The following TSGA10 variants were observed in gnomAD, a reference collection of about 807,000 sequenced individuals.
TSGA10 encodes testis specific 10, also known as testis-specific gene 10 protein.
In TSGA10, 43 loss-of-function variants were observed where a neutral mutation model predicts 96.6. The ratio of observed to expected loss-of-function variants is 0.44; its 90% confidence interval spans 0.35 to 0.57. The LOEUF (loss-of-function observed/expected upper bound fraction) is 0.57. TSGA10 is among the 20% of genes least tolerant of loss of function. The pLI is 0.01. For synonymous variants in TSGA10, 229 were observed against 269.9 expected, an observed-to-expected ratio of 0.85 and a Z score of 1.48; for missense variants, 703 against 834.4, an observed-to-expected ratio of 0.84 and a Z score of 1.94.
chr2:99,081,421 CTAAT>C (rs771113233), intron 10 of TSGA10, 24 bp from the exon 11 acceptor site: 1 of 1,405,246 alleles, frequency 7.1e-7, no homozygotes, highest in East Asian at 2.4e-5. Context: ...AATAATAAAA[CTAAT>C]TCTGAAATTT....
At chr2:99,146,837 C>G (rs2105137764) in intron 1 of TSGA10, among the ~76,000 whole-genome samples, 1 of 152,330 alleles carries the variant, frequency 6.6e-6, no homozygotes, top group East Asian at 1.9e-4. Flanking sequence ...CCATGTTGAT[C>G]AGGCTGGTCT....
At chr2:99,039,915 A>C (rs1018884522) in intron 16 of TSGA10, among the ~76,000 whole-genome samples, 4 of 152,210 alleles carry the variant, frequency 2.6e-5, no homozygotes, top group African/African-American at 7.2e-5. Context: ...CAAAAAGATA[A>C]TACATCATGA....
At chr2:99,071,606 C>G in intron 14 of TSGA10, 100 bp downstream of exon 14, 1 of 1,108,924 alleles carries the variant, frequency 9.0e-7, no homozygotes, top group Non-Finnish European at 1.3e-6. Context: ...AAGGCTAGTT[C>G]CAGTGTCTGA....
intron 4 of TSGA10, among the ~76,000 whole-genome samples, chr2:99,112,272 A>G (rs999881547): frequency 6.6e-6 from 1 of 152,222 alleles, no homozygotes; most frequent in Non-Finnish European, 1.5e-5. Flanking sequence ...AGCCAAAAAA[A>G]GAAAAACAAA....
In TSGA10 at chr2:99,150,965, G is replaced by A. The variant is rs1385490942; in HGVS notation, c.-621+3728C>T. 9 of 620,718 alleles carry A rather than the reference G, an allele frequency of 1.4e-5. No individual in the cohort carries two copies. The African/African-American group carries it at 1.7e-4, about 12-fold the overall frequency. 38.5% of individuals were successfully genotyped at this position (620,718 alleles called of 1,614,324 possible). A position where few individuals can be genotyped will look rare whatever the true frequency, so the allele number is the denominator to read the frequency against. ...ACTATTGCCTTATTTTGCACTATTTGTGAATCATCTTACACTGCATTTTTT... is the reference window on the plus strand; with the variant it reads ...ACTATTGCCTTATTTTGCACTATTTATGAATCATCTTACACTGCATTTTTT... On this transcript the variant is annotated intron_variant, in intron 1 of 20. Coordinates refer to ENST00000393483, the MANE Select transcript of TSGA10 (RefSeq NM_025244.4).
At chr2:99,101,244 C>CAAAAAAAAA (rs869263270) in intron 10 of TSGA10, among the ~76,000 whole-genome samples, 1 of 24,362 alleles carries the variant, frequency 4.1e-5, no homozygotes, top group Admixed American at 6.8e-4. Flanking sequence ...GACTCTGTCT[C>CAAAAAAAAA]AAAAAAAAAA....
At chr2:99,027,586 A>G (rs1331178539) in intron 17 of TSGA10, among the ~76,000 whole-genome samples, 2 of 152,250 alleles carry the variant, frequency 1.3e-5, no homozygotes, top group Non-Finnish European at 2.9e-5. Context: ...ATATGTTATT[A>G]GCTTAATTAA....
chr2:99,074,368 G>T (rs2086418770), intron 12 of TSGA10, among the ~76,000 whole-genome samples: 1 of 151,792 alleles, frequency 6.6e-6, no homozygotes. Context: ...GTGTGTGTGT[G>T]TGTGTGTGCT....
chr2:99,103,123 G>A (rs984385701), intron 10 of TSGA10, among the ~76,000 whole-genome samples: 2 of 150,588 alleles, frequency 1.3e-5, no homozygotes, highest in Non-Finnish European at 2.9e-5. Flanking sequence ...GACCAGGCCC[G>A]GTGGCTCATG....
Position 99,064,797 on chromosome 2 carries a change from A to C in TSGA10, c.1404+142T>G, listed in dbSNP as rs1300541038. 1.4e-5 allele frequency: 8 copies of C among 592,046 alleles called. No homozygotes were observed. The Admixed American group carries it at 2.7e-4, about 20-fold the overall frequency. 36.7% of individuals were successfully genotyped at this position (592,046 alleles called of 1,614,324 possible). A position where few individuals can be genotyped will look rare whatever the true frequency, so the allele number is the denominator to read the frequency against. On this transcript the variant is annotated intron_variant, in intron 16 of 20. Coordinates refer to ENST00000393483, the MANE Select transcript of TSGA10 (RefSeq NM_025244.4). The stretch of plus-strand genomic sequence containing the variant: ...GAGATTGTAGAAGAATCAAAGTATA[A>C]GGAGAATGGTTAGCATGCTACAATT...
intron 17 of TSGA10, among the ~76,000 whole-genome samples, chr2:99,029,370 A>G (rs2080935789): frequency 3.9e-5 from 6 of 152,212 alleles, no homozygotes; most frequent in Admixed American, 3.3e-4. Flanking sequence ...AGACCAGGGT[A>G]TATTATATAG....
At chr2:99,042,425 G>A (rs2082287987) in intron 16 of TSGA10, among the ~76,000 whole-genome samples, 1 of 152,174 alleles carries the variant, frequency 6.6e-6, no homozygotes, top group South Asian at 2.1e-4. Flanking sequence ...CCAGCAGGTA[G>A]CACGGAGAAG....
intron 15 of TSGA10, among the ~76,000 whole-genome samples, chr2:99,065,999 A>C (rs971618217): frequency 3.3e-5 from 5 of 152,232 alleles, no homozygotes; most frequent in Admixed American, 3.3e-4. Flanking sequence ...ATTCTAAAAA[A>C]TTAGTTGTAA....
At chr2:99,126,045 A>G (rs2092805776) in intron 2 of TSGA10, 1 of 152,314 alleles carries the variant, frequency 6.6e-6, no homozygotes, top group Admixed American at 6.5e-5. Flanking sequence ...TCCCCTGGTG[A>G]GGATAAAAGT....
At chr2:99,069,665 T>TAAATAAATAAA (rs2085694643) in intron 14 of TSGA10, among the ~76,000 whole-genome samples, 2 of 99,420 alleles carry the variant, frequency 2.0e-5, no homozygotes, top group Non-Finnish European at 3.9e-5. Flanking sequence ...AAATAAATAA[T>TAAATAAATAAA]AATTAAAAAG....
chr2:99,137,425 G>A (rs2093369815), intron 1 of TSGA10, among the ~76,000 whole-genome samples: 1 of 152,186 alleles, frequency 6.6e-6, no homozygotes, highest in African/African-American at 2.4e-5. Flanking sequence ...GGCGAACAAA[G>A]AAGGGAGTAC....
intron 10 of TSGA10, among the ~76,000 whole-genome samples, chr2:99,099,606 A>AT (rs2090470507): frequency 1.3e-5 from 2 of 152,182 alleles, no homozygotes; most frequent in African/African-American, 4.8e-5. Context: ...TTCATGTATG[A>AT]TTTTTTAGTA....
intron 17 of TSGA10, among the ~76,000 whole-genome samples, chr2:99,031,802 C>A (rs75478592): frequency 0.012 from 1,846 of 152,266 alleles, 40 homozygotes; most frequent in African/African-American, 0.042. Flanking sequence ...GCATTAGATT[C>A]TCATAGGAGT....
intron 20 of TSGA10, among the ~76,000 whole-genome samples, chr2:99,014,991 G>C (rs767130499): frequency 6.6e-6 from 1 of 152,068 alleles, no homozygotes; most frequent in Non-Finnish European, 1.5e-5. Flanking sequence ...GATTAAAACA[G>C]TAATAAAAAA....
Sources: allele counts gnomAD v4.1 joint callset (sites outside exome capture counted in the v4.1 genomes callset), GRCh38; gene constraint gnomAD v4.1.1; transcripts MANE v1.5; gene names NCBI Gene and HGNC (gene_info 2026-07-23, HGNC 2026-07-21).